Variants in CDK6 observed in about 807,000 individuals in gnomAD.
CDK6 encodes the protein cyclin dependent kinase 6.
Under a neutral mutation model 37.1 loss-of-function variants are expected in CDK6, and 6 were observed. That is an observed-to-expected ratio of 0.16 (90% CI 0.09 to 0.32). CDK6 has a LOEUF of 0.32. Among genes scored for constraint, CDK6 ranks in the 10% least tolerant of loss-of-function variants. The pLI, the probability that CDK6 is intolerant of heterozygous loss-of-function variation, is 1.00. For synonymous variants in CDK6, 160 were observed against 161.3 expected (o/e 0.99, Z 0.06); for missense variants, 224 against 418.9 (o/e 0.53, Z 4.06).
In CDK6 at chr7:92,755,782, T is replaced by G. The variant is rs1002247407; in HGVS notation, c.369+18914A>C. On this transcript the variant is annotated intron_variant, in intron 3 of 7. Coordinates refer to ENST00000424848, the MANE Select transcript of CDK6 (RefSeq NM_001145306.2). ...AGGCAAAAGGGAACCACATGAGATT[T>G]ATCTCCAAGGAGTCTTTTCCAACAG... Among the ~76,000 whole-genome samples the G allele has an allele frequency of 7.2e-5, 11 of 152,264 alleles. No individual in the cohort carries two copies. The South Asian group carries it at 1.9e-3, about 26-fold the overall frequency.
chr7:92,733,961 T>A (rs1798713726), intron 3 of CDK6, among the ~76,000 whole-genome samples: 1 of 152,178 alleles, frequency 6.6e-6, no homozygotes, highest in Non-Finnish European at 1.5e-5. Context: ...GCCTGCCAAG[T>A]AGCTGGGACT....
chr7:92,833,703 A>T lies in CDK6; in HGVS notation c.-367-13T>A. 2.3e-6 allele frequency: 1 copy of T among 436,348 alleles called. No individual in the cohort carries two copies. Among genetic ancestry groups the T allele is most frequent in the East Asian group, 3.5e-5 (1 of 28,566 alleles). 27.0% of individuals were successfully genotyped at this position (436,348 alleles called of 1,614,324 possible). A position where few individuals can be genotyped will look rare whatever the true frequency, so the allele number is the denominator to read the frequency against. ...AGAATCATTGCACCTAAAGGAGGAG[A>T]CGGGAGGATAAGAAGAAAGTGCAAT... On this transcript the variant is annotated splice_polypyrimidine_tract_variant and intron_variant, in intron 1 of 7. Coordinates refer to ENST00000424848, the MANE Select transcript of CDK6 (RefSeq NM_001145306.2). The surrounding 1 kb of genome is among the most constrained non-coding windows in gnomAD (Gnocchi z 6.1).
chr7:92,751,101 C>A (rs773972841), intron 3 of CDK6, among the ~76,000 whole-genome samples: 1 of 152,070 alleles, frequency 6.6e-6, no homozygotes, highest in Non-Finnish European at 1.5e-5. Flanking sequence ...TAGACAAATT[C>A]CTGGAGTGCT....
rs1220894953 is a variant in CDK6 at position 92,614,697 on chromosome 7, ACACAC to A, written c.*438_*442del. 3 of 26,790 alleles carry A rather than the reference ACACAC, an allele frequency of 1.1e-4. No individual in the cohort carries two copies. Among genetic ancestry groups the A allele is most frequent in the African/African-American group, 8.9e-4 (1 of 1,124 alleles). The allele number at this position is 26,790 out of a possible 1,614,324, so 1.7% of individuals were successfully genotyped here. On this transcript the variant is annotated 3_prime_UTR_variant, in exon 8 of 8. Transcript: ENST00000424848. ...TAAAAGATCACAGAATCTCTCACAT[ACACAC>A]ACACACACACACACACACACACACA...
In CDK6 at chr7:92,835,801, C is replaced by G. The variant is rs1801653827; in HGVS notation, c.-368+677G>C. 6.6e-6 allele frequency among the ~76,000 whole-genome samples: 1 copy of G among 152,248 alleles called. No individual in the cohort carries two copies. Among genetic ancestry groups the G allele is most frequent in the Non-Finnish European group, 1.5e-5 (1 of 68,040 alleles). On this transcript the variant is annotated intron_variant, in intron 1 of 7. Transcript: ENST00000424848. This position sits in a 1 kb window ranked among gnomAD's most constrained non-coding sequence, Gnocchi z 4.2. ...GACGGGCGCGCTGCGGGGACCAGGGCTGCTCACTGCGGGGCGTGTGTTTAA... is the reference window on the plus strand; with the variant it reads ...GACGGGCGCGCTGCGGGGACCAGGGGTGCTCACTGCGGGGCGTGTGTTTAA...
intron 4 of CDK6, among the ~76,000 whole-genome samples, chr7:92,691,197 CAAAT>C (rs1417940339): frequency 3.3e-5 from 5 of 152,090 alleles, no homozygotes; most frequent in African/African-American, 1.2e-4. Flanking sequence ...ACTATAAAGA[CAAAT>C]AACATATCAT....
At chr7:92,649,577 A>G (rs1276472084) in intron 5 of CDK6, among the ~76,000 whole-genome samples, 1 of 152,234 alleles carries the variant, frequency 6.6e-6, no homozygotes, top group Non-Finnish European at 1.5e-5. Flanking sequence ...ATTGCTTCCA[A>G]TTGATGTGCT....
At chr7:92,678,053 G>T (rs1797247415) in intron 4 of CDK6, among the ~76,000 whole-genome samples, 1 of 152,154 alleles carries the variant, frequency 6.6e-6, no homozygotes, top group Admixed American at 6.5e-5. Context: ...GCTTTATAAA[G>T]AATGAATAAT....
intron 5 of CDK6, among the ~76,000 whole-genome samples, chr7:92,653,266 A>C (rs867556375): frequency 2.0e-5 from 3 of 152,078 alleles, no homozygotes; most frequent in Middle Eastern, 3.2e-3. Context: ...TGATAAGCAA[A>C]TTCCTTTGTT....
chr7:92,624,826 C>G (rs897570050), intron 5 of CDK6, among the ~76,000 whole-genome samples: 2 of 152,096 alleles, frequency 1.3e-5, no homozygotes, highest in African/African-American at 4.8e-5. Flanking sequence ...TCATTTGATT[C>G]TCACAAAAAT....
intron 4 of CDK6, among the ~76,000 whole-genome samples, chr7:92,689,167 G>C (rs1374681558): frequency 6.6e-6 from 1 of 152,118 alleles, no homozygotes; most frequent in Admixed American, 6.5e-5. Flanking sequence ...GTGCGTCACA[G>C]GGGTTCATTG....
intron 7 of CDK6, among the ~76,000 whole-genome samples, 193 bp downstream of exon 7, chr7:92,617,879 A>T (rs1795715893): frequency 6.6e-6 from 1 of 152,210 alleles, no homozygotes; most frequent in Admixed American, 6.5e-5. Context: ...GACATTCCAG[A>T]ATCAAAAGCC....
chr7:92,791,614 C>A (rs535265316), intron 2 of CDK6, among the ~76,000 whole-genome samples: 12 of 152,128 alleles, frequency 7.9e-5, no homozygotes, highest in Admixed American at 2.0e-4. Flanking sequence ...AACTCTCCAG[C>A]CCTAGAGGAA....
intron 4 of CDK6, among the ~76,000 whole-genome samples, chr7:92,685,927 C>T (rs1041659190): frequency 2.0e-5 from 3 of 152,170 alleles, no homozygotes; most frequent in Non-Finnish European, 4.4e-5. Context: ...TTTGTTTCTG[C>T]TTTCTTCTGC....
chr7:92,786,995 C>A (rs1229697028), intron 2 of CDK6, among the ~76,000 whole-genome samples: 1 of 151,552 alleles, frequency 6.6e-6, no homozygotes, highest in Non-Finnish European at 1.5e-5. Flanking sequence ...ATCAGCCTGG[C>A]CAACATGGTG....
chr7:92,695,721 C>A (rs1035109976), intron 4 of CDK6, among the ~76,000 whole-genome samples: 27 of 152,152 alleles, frequency 1.8e-4, no homozygotes, highest in African/African-American at 6.5e-4. Context: ...TGCTTTGGGA[C>A]GAGGTGGCTG....
intron 2 of CDK6, among the ~76,000 whole-genome samples, chr7:92,778,934 T>TAC (rs1291627200): frequency 6.0e-4 from 86 of 143,060 alleles, no homozygotes; most frequent in African/African-American, 2.2e-3. Flanking sequence ...CATATATATA[T>TAC]ATATATATAT....
At position 92,833,029 on chromosome 7, in the gene CDK6, C is replaced by T; in HGVS notation, c.233+62G>A. On this transcript the variant is annotated intron_variant, in intron 2 of 7. Coordinates refer to ENST00000424848, the MANE Select transcript of CDK6 (RefSeq NM_001145306.2). The surrounding 1 kb of genome is among the most constrained non-coding windows in gnomAD (Gnocchi z 6.1). ...GCACCTTTCTGGGCCTGAGGATTCC[C>T]GGCTCGGCCCTCCCCGCGCGCGCGA... 1 of 1,235,312 alleles carries T rather than the reference C, an allele frequency of 8.1e-7. No homozygotes were observed. Among genetic ancestry groups the T allele is most frequent in the Middle Eastern group, 2.1e-4 (1 of 4,692 alleles). 76.5% of individuals were successfully genotyped at this position (1,235,312 alleles called of 1,614,324 possible). A position where few individuals can be genotyped will look rare whatever the true frequency, so the allele number is the denominator to read the frequency against.
At chr7:92,828,392 C>T (rs1194775405) in intron 2 of CDK6, among the ~76,000 whole-genome samples, 1 of 152,064 alleles carries the variant, frequency 6.6e-6, no homozygotes, top group Non-Finnish European at 1.5e-5. Flanking sequence ...ATCAAACAAA[C>T]AAACAAAAAT....
Sources: allele counts gnomAD v4.1 joint callset (sites outside exome capture counted in the v4.1 genomes callset), GRCh38; gene constraint gnomAD v4.1.1; non-coding constraint Gnocchi (gnomAD v3.1); transcripts MANE v1.5; gene names NCBI Gene and HGNC (gene_info 2026-07-23, HGNC 2026-07-21).